SCN9A: variants seen among roughly 807,000 people sequenced by gnomAD.
The protein encoded by SCN9A is sodium channel protein type 9 subunit alpha.
Under a neutral mutation model 187.0 loss-of-function variants are expected in SCN9A, and 131 were observed. The ratio of observed to expected loss-of-function variants is 0.70; its 90% CI spans 0.61 to 0.81. SCN9A has a LOEUF of 0.81. Among genes scored for constraint, SCN9A ranks in the 30% least tolerant of loss-of-function variants. The pLI is 0.00. For synonymous variants in SCN9A, 809 were observed against 808.6 expected (o/e 1.00, Z -0.01); for missense variants, 2,252 against 2,396.6 (o/e 0.94, Z 1.26).
chr2:166,242,130 G>A (rs549565357), intron 19 of SCN9A, among the ~76,000 whole-genome samples: 3 of 152,254 alleles, frequency 2.0e-5, no homozygotes, highest in Admixed American at 2.0e-4. Context: ...TTCTCAAAGA[G>A]CAATATATAA....
chr2:166,303,180 G>T lies in SCN9A; in HGVS notation c.811C>A (p.Leu271Met), dbSNP rs987624038. The T allele has an allele frequency of 3.1e-6, 5 of 1,613,344 alleles. No individual in the cohort carries two copies. The highest frequency in any genetic ancestry group is 4.2e-6 in the Non-Finnish European group (5 of 1,179,650). The change falls in exon 7 of 27, where the codon CTG becomes ATG. Residue 271 changes from leucine (L) to methionine (M), a missense_variant. By Grantham distance (15) the Leu-to-Met change is conservative (BLOSUM62 2). Coordinates refer to ENST00000642356, the MANE Select transcript of SCN9A (RefSeq NM_001365536.1). Reference protein sequence around the residue: ...LIGLQLFMGNLKHKCFRNSLE... With the variant: ...LIGLQLFMGNMKHKCFRNSLE... ...GAATTTCGAAAACATTTATGCTTCA[G>T]GTTTCCCATGAACAGCTGTAGTCCA... is the stretch of plus-strand genomic sequence containing the variant.
chr2:166,299,677 C>G (rs1698470819), intron 7 of SCN9A, among the ~76,000 whole-genome samples: 1 of 150,708 alleles, frequency 6.6e-6, no homozygotes, highest in South Asian at 2.1e-4. Flanking sequence ...CAGGGATGTT[C>G]AGAGGTAGAG....
chr2:166,240,395 C>T (rs1185997865), intron 19 of SCN9A, among the ~76,000 whole-genome samples: 1 of 152,106 alleles, frequency 6.6e-6, no homozygotes, highest in East Asian at 1.9e-4. Context: ...GTACAAACAC[C>T]AGCTTCTTGA....
At chr2:166,203,820 G>C (rs1162620136) in intron 26 of SCN9A, 135 bp downstream of exon 26, 5 of 625,828 alleles carry the variant, frequency 8.0e-6, no homozygotes, top group Non-Finnish European at 1.4e-5. Context: ...TGCTTTTTAG[G>C]ATTTTTTCAT....
chr2:166,370,999 A>G (rs1348286940), intron 1 of SCN9A, among the ~76,000 whole-genome samples: 1 of 152,228 alleles, frequency 6.6e-6, no homozygotes, highest in Non-Finnish European at 1.5e-5. Flanking sequence ...AAAGAAATTT[A>G]TGATCAGTAA....
At chr2:166,282,392 T>C (rs1233886214) in intron 12 of SCN9A, among the ~76,000 whole-genome samples, 1 of 152,192 alleles carries the variant, frequency 6.6e-6, no homozygotes, top group Non-Finnish European at 1.5e-5. Flanking sequence ...AAATGGAGAA[T>C]GCAAGCTACA....
intron 1 of SCN9A, chr2:166,321,564 A>C (rs888575801): frequency 6.6e-6 from 1 of 151,834 alleles, no homozygotes. Flanking sequence ...GAAACAACAC[A>C]TATTTTGAAC....
rs200479892 is a variant in SCN9A at position 166,226,660 on chromosome 2, A to C, written c.4305T>G (p.Ile1435Met). 1.6e-4 allele frequency: 260 copies of C among 1,592,054 alleles called. No individual in the cohort carries two copies. Among genetic ancestry groups the C allele is most frequent in the Non-Finnish European group, 2.2e-4 (252 of 1,169,472 alleles). Residue 1435 changes from isoleucine (I) to methionine (M), a missense_variant, in exon 24 of 27, where the codon ATT becomes ATG. Physicochemically the swap from Ile to Met is conservative, Grantham distance 10. Coordinates refer to ENST00000642356, the MANE Select transcript of SCN9A (RefSeq NM_001365536.1). ...PKYEYSLYMY[I>M]YFVVFIIFGS... ...CAAAGATGATAAAGACGACAAAATA[A>C]ATATACATGTAGAGGCTATATTCAT...
intron 10 of SCN9A, among the ~76,000 whole-genome samples, chr2:166,287,715 G>A (rs558301142): frequency 2.0e-5 from 3 of 151,938 alleles, no homozygotes; most frequent in Non-Finnish European, 4.4e-5. Context: ...TCTGGAAAGA[G>A]GATTAAGGAG....
At chr2:166,365,496 G>A (rs1333140712) in intron 1 of SCN9A, among the ~76,000 whole-genome samples, 1 of 152,062 alleles carries the variant, frequency 6.6e-6, no homozygotes, top group East Asian at 1.9e-4. Context: ...AGCCCTCGAC[G>A]CAGGTTAGTA....
intron 1 of SCN9A, among the ~76,000 whole-genome samples, chr2:166,340,604 T>TTCTTTCTTTCTTTCTTTCTTTCTTTC (rs1238316249): frequency 1.9e-4 from 14 of 72,046 alleles, no homozygotes; most frequent in South Asian, 1.5e-3. Context: ...CTTTCTTTCT[T>TTCTTTCTTTCTTTCTTTCTTTCTTTC]TTTCTTTCTT....
chr2:166,217,727 G>A (rs1194239979), intron 24 of SCN9A, among the ~76,000 whole-genome samples: 3 of 152,118 alleles, frequency 2.0e-5, no homozygotes, highest in Non-Finnish European at 4.4e-5. Flanking sequence ...TGTTGATGAG[G>A]ATGTGGAGAA....
chr2:166,223,596 A>G (rs1694718631), intron 24 of SCN9A, among the ~76,000 whole-genome samples: 2 of 152,242 alleles, frequency 1.3e-5, no homozygotes, highest in South Asian at 4.1e-4. Flanking sequence ...GAGAATTGCT[A>G]TTCAATGGGA....
At chr2:166,207,428 TTTGTTG>T (rs61122536) in intron 24 of SCN9A, among the ~76,000 whole-genome samples, 9 of 150,058 alleles carry the variant, frequency 6.0e-5, no homozygotes, top group African/African-American at 1.7e-4. Context: ...TTAGAGTGTT[TTTGTTG>T]TTGTTGTTGT....
intron 1 of SCN9A, among the ~76,000 whole-genome samples, chr2:166,367,502 G>T (rs1700446271): frequency 6.6e-6 from 1 of 152,138 alleles, no homozygotes; most frequent in Admixed American, 6.5e-5. Flanking sequence ...CTGACCTCAA[G>T]TGATCAGCCT....
rs1354932910 is a variant in SCN9A, at chr2:166,311,558, G to C, written c.199C>G (p.Pro67Ala). 1.9e-6 allele frequency: 3 copies of C among 1,612,962 alleles called. No individual in the cohort carries two copies. Among genetic ancestry groups the C allele is most frequent in the Non-Finnish European group, 2.5e-6 (3 of 1,179,582 alleles). The change falls in exon 2 of 27, where the codon CCT (proline) becomes GCT (alanine). Residue 67 changes from proline to alanine, a missense_variant. Coordinates refer to ENST00000642356, the MANE Select transcript of SCN9A (RefSeq NM_001365536.1). ...KQLPFIYGDIPPGMVSEPLED... is the reference protein window; with the variant it reads ...KQLPFIYGDIAPGMVSEPLED... ...AGGGGCTCTGACACCATGCCGGGAG[G>C]AATGTCCCCATAGATGAAGGGCAGC...
chr2:166,223,488 T>A (rs546954939), intron 24 of SCN9A, among the ~76,000 whole-genome samples: 1 of 152,288 alleles, frequency 6.6e-6, no homozygotes, highest in East Asian at 1.9e-4. Context: ...AGAAAAAATA[T>A]TGCATAATTC....
At chr2:166,244,661 A>G (rs1695709886) in intron 18 of SCN9A, among the ~76,000 whole-genome samples, 1 of 151,984 alleles carries the variant, frequency 6.6e-6, no homozygotes. Context: ...GTAATATGCT[A>G]TACTATTGGG....
In SCN9A at chr2:166,311,329, CCTATATATAT is replaced by C. The variant is rs1170602669; in HGVS notation, c.258+160_258+169del. On this transcript the variant is annotated intron_variant, in intron 2 of 26. Transcript: ENST00000642356. ...TTGAAAAAGTACAGATTCTGAATAT[CCTATATATAT>C]ATATATATATATATATATATATATA... Among the ~76,000 whole-genome samples the C allele has an allele frequency of 6.6e-3, 317 of 47,896 alleles. 31 individuals are homozygous for C. Among genetic ancestry groups the C allele is most frequent in the Middle Eastern group, 0.015 (1 of 68 alleles). The allele number at this position is 47,896 out of a possible 152,430, so 31.4% of individuals were successfully genotyped here.
Sources: gnomAD v4.1 joint callset for allele counts (sites outside exome capture counted in the v4.1 genomes callset) on GRCh38, gnomAD v4.1.1 for gene constraint, MANE v1.5 for transcripts, NCBI Gene and HGNC (gene_info 2026-07-23, HGNC 2026-07-21) for gene names.